DOK5: variants seen among roughly 807,000 people sequenced by gnomAD.
DOK5 encodes downstream of tyrosine kinase 5.
In DOK5, 27 loss-of-function variants were observed where a neutral mutation model predicts 43.3. The ratio of observed to expected loss-of-function variants is 0.62; its 90% CI spans 0.46 to 0.86. The LOEUF is 0.86. DOK5 is among the 40% of genes least tolerant of loss of function. The pLI is 0.00. For missense variants in DOK5, 373 were observed against 392.9 expected (o/e 0.95, Z 0.43); for synonymous variants, 146 against 140.1 (o/e 1.04, Z -0.30).
intron 6 of DOK5, among the ~76,000 whole-genome samples, chr20:54,639,322 C>T (rs1164047731): frequency 1.3e-5 from 2 of 152,242 alleles, no homozygotes; most frequent in Non-Finnish European, 2.9e-5. Context: ...CCTCTGTCAC[C>T]TGGACTTCCT....
Position 54,636,245 on chromosome 20 carries a change from G to A in DOK5, c.736-7213G>A, listed in dbSNP as rs549140731. Among the ~76,000 whole-genome samples, 10 of 152,342 alleles carry A rather than the reference G, an allele frequency of 6.6e-5. No homozygotes were observed. The South Asian group carries it at 1.2e-3, about 19-fold the overall frequency. On this transcript the variant is annotated intron_variant, in intron 6 of 7. Transcript: ENST00000262593. Reference sequence around the variant, plus strand: ...AACTTTAAGAGAAATTTAGTTTATAGTTTAAATGATAATAGCCCTTCCCTG... The same window carrying A: ...AACTTTAAGAGAAATTTAGTTTATAATTTAAATGATAATAGCCCTTCCCTG...
At chr20:54,516,131 G>T (rs781495558) in intron 1 of DOK5, among the ~76,000 whole-genome samples, 44 of 152,158 alleles carry the variant, frequency 2.9e-4, no homozygotes, top group Non-Finnish European at 5.4e-4. Flanking sequence ...TCATTTCCCC[G>T]TATATAATTC....
chr20:54,540,359 G>A (rs1450963978), intron 1 of DOK5, among the ~76,000 whole-genome samples: 1 of 152,130 alleles, frequency 6.6e-6, no homozygotes, highest in East Asian at 1.9e-4. Context: ...TGTCTGTCTT[G>A]TAATTGGTGC....
chr20:54,512,863 C>A (rs1600672356), intron 1 of DOK5, among the ~76,000 whole-genome samples: 1 of 152,234 alleles, frequency 6.6e-6, no homozygotes, highest in Non-Finnish European at 1.5e-5. Context: ...GGAGCAAGAG[C>A]AAACATTTGT....
At chr20:54,615,911 G>C (rs1306141832) in intron 6 of DOK5, among the ~76,000 whole-genome samples, 1 of 132,930 alleles carries the variant, frequency 7.5e-6, no homozygotes, top group African/African-American at 3.0e-5. Context: ...AAAAAAAAAA[G>C]GCATAAAAAC....
chr20:54,592,631 C>G (rs990180503), intron 5 of DOK5, among the ~76,000 whole-genome samples: 16 of 151,600 alleles, frequency 1.1e-4, no homozygotes, highest in Non-Finnish European at 1.9e-4. Flanking sequence ...AGCTCCGCCT[C>G]CCGGGTTCAC....
chr20:54,617,507 G>A (rs776105951), intron 6 of DOK5, among the ~76,000 whole-genome samples: 3 of 151,968 alleles, frequency 2.0e-5, no homozygotes, highest in Non-Finnish European at 4.4e-5. Context: ...ATTTTTTGTA[G>A]ACATGAGGTC....
chr20:54,633,037 C>G (rs1978643334), intron 6 of DOK5, among the ~76,000 whole-genome samples: 1 of 152,136 alleles, frequency 6.6e-6, no homozygotes, highest in African/African-American at 2.4e-5. Context: ...CGCCATTGCA[C>G]TGCAGCCTGG....
At chr20:54,633,906 G>A (rs918917482) in intron 6 of DOK5, among the ~76,000 whole-genome samples, 5 of 152,154 alleles carry the variant, frequency 3.3e-5, no homozygotes, top group African/African-American at 4.8e-5. Flanking sequence ...ACATCCTGTC[G>A]TGCTGTTCAA....
intron 1 of DOK5, among the ~76,000 whole-genome samples, chr20:54,497,753 C>G (rs6098024): frequency 0.015 from 2,303 of 152,028 alleles, 51 homozygotes; most frequent in African/African-American, 0.052. Context: ...CTGTGTTTTC[C>G]TTGAAGTGGG....
At chr20:54,571,818 G>A (rs904144619) in intron 2 of DOK5, among the ~76,000 whole-genome samples, 5 of 152,080 alleles carry the variant, frequency 3.3e-5, no homozygotes, top group Non-Finnish European at 5.9e-5. Flanking sequence ...GCTCTGGTCC[G>A]TCTGCTCCAG....
chr20:54,578,950 C>T (rs183244311), intron 2 of DOK5, among the ~76,000 whole-genome samples: 3 of 152,244 alleles, frequency 2.0e-5, no homozygotes, highest in African/African-American at 7.2e-5. Context: ...TATTGTCATT[C>T]CTCTGCTAAG....
At chr20:54,649,190 G>GTCT (rs1979583630) in intron 7 of DOK5, among the ~76,000 whole-genome samples, 1 of 152,122 alleles carries the variant, frequency 6.6e-6, no homozygotes, top group Non-Finnish European at 1.5e-5. Context: ...AAGAAACAGA[G>GTCT]ACCTTTGGAG....
At position 54,475,673 on chromosome 20, in the gene DOK5, C is replaced by G. The variant is rs574647771; in HGVS notation, c.-274C>G. 1,166 of 527,084 alleles carry G rather than the reference C, an allele frequency of 2.2e-3. 6 individuals carry two copies. Among genetic ancestry groups the G allele is most frequent in the Non-Finnish European group, 2.1e-3 (608 of 296,468 alleles). 32.7% of individuals were successfully genotyped at this position (527,084 alleles called of 1,614,324 possible). On this transcript the variant is annotated 5_prime_UTR_variant, in exon 1 of 8. Transcript: ENST00000262593. This position sits in a 1 kb window ranked among gnomAD's most constrained non-coding sequence, Gnocchi z 4.2. ...CCGCTCCTCCTCCTGGCAGGCCGGCCGCGGAGTCAGCTGACGCCGGCGCTC... is the reference window on the plus strand; with the variant it reads ...CCGCTCCTCCTCCTGGCAGGCCGGCGGCGGAGTCAGCTGACGCCGGCGCTC...
intron 5 of DOK5, among the ~76,000 whole-genome samples, chr20:54,603,351 G>A (rs1042674179): frequency 1.3e-5 from 2 of 152,230 alleles, no homozygotes; most frequent in Non-Finnish European, 2.9e-5. Flanking sequence ...CTGCTGCTTT[G>A]TCTTAAGCTG....
intron 2 of DOK5, among the ~76,000 whole-genome samples, chr20:54,579,781 TC>T (rs1985577219): frequency 6.6e-6 from 1 of 152,182 alleles, no homozygotes; most frequent in Non-Finnish European, 1.5e-5. Flanking sequence ...GTATACATTT[TC>T]TTTTTTTATA....
intron 1 of DOK5, among the ~76,000 whole-genome samples, chr20:54,535,408 G>A (rs1185863153): frequency 6.6e-6 from 1 of 151,760 alleles, no homozygotes; most frequent in East Asian, 1.9e-4. Flanking sequence ...TTTACTGAAT[G>A]TTGCTTCAAT....
At chr20:54,503,046 G>T (rs1007691333) in intron 1 of DOK5, among the ~76,000 whole-genome samples, 1 of 152,100 alleles carries the variant, frequency 6.6e-6, no homozygotes, top group Non-Finnish European at 1.5e-5. Context: ...AGAAGTGGGG[G>T]TAAGACTGTA....
intron 1 of DOK5, among the ~76,000 whole-genome samples, chr20:54,544,096 A>C (rs1362505494): frequency 6.6e-6 from 1 of 152,146 alleles, no homozygotes; most frequent in Admixed American, 6.5e-5. Flanking sequence ...AAGGATTTTT[A>C]ATCTTCTTTA....
Sources: allele counts gnomAD v4.1 joint callset (sites outside exome capture counted in the v4.1 genomes callset), GRCh38; gene constraint gnomAD v4.1.1; non-coding constraint Gnocchi (gnomAD v3.1); transcripts MANE v1.5; gene names NCBI Gene and HGNC (gene_info 2026-07-23, HGNC 2026-07-21).